Variants in RCHY1 observed in about 807,000 individuals in gnomAD.
RCHY1 encodes the protein RING finger and CHY zinc finger domain-containing protein 1.
In RCHY1, 21 loss-of-function variants were observed where a neutral mutation model predicts 41.6. The ratio of observed to expected loss-of-function variants is 0.51; its 90% CI spans 0.36 to 0.73. The LOEUF (loss-of-function observed/expected upper bound fraction) is 0.73. Ranked by LOEUF, RCHY1 falls within the 30% of genes least tolerant of loss-of-function variation. The probability of loss-of-function intolerance (pLI) is 0.00; values close to 1 mark genes in which losing one functional copy is unlikely to be tolerated. For synonymous variants in RCHY1, 79 were observed against 102.9 expected, an observed-to-expected ratio of 0.77 and a Z score of 1.41; for missense variants, 265 against 325.3, an observed-to-expected ratio of 0.81 and a Z score of 1.43.
At chr4:75,495,054 T>C (rs1254663365) in intron 3 of RCHY1, among the ~76,000 whole-genome samples, 1 of 152,024 alleles carries the variant, frequency 6.6e-6, no homozygotes, top group Non-Finnish European at 1.5e-5. Context: ...GTTATTTATA[T>C]AATGAATATC....
rs751403277 is a variant in RCHY1, at chr4:75,508,903, C to T, written c.243G>A (p.Leu81=). ...ATATATCGCAATAATATTCTCCAAA[C>T]AATGTGCTACATTCTTCACAAGTCT... ...AQQTCEECST[L]FGEYYCDICH... is the part of the protein sequence containing the mutation. Residue 81 remains leucine, a synonymous_variant, in exon 3 of 9, where the codon TTG becomes TTA. Transcript: ENST00000324439. The T allele has an allele frequency of 1.9e-6, 3 of 1,610,624 alleles. No individual in the cohort carries two copies. The highest frequency in any genetic ancestry group is 2.5e-6 in the Non-Finnish European group (3 of 1,178,514).
At chr4:75,492,740 G>C (rs1722864104) in intron 4 of RCHY1, among the ~76,000 whole-genome samples, 1 of 151,784 alleles carries the variant, frequency 6.6e-6, no homozygotes, top group Non-Finnish European at 1.5e-5. Flanking sequence ...GTAAGTTTTT[G>C]AAAGATGACA....
intron 3 of RCHY1, among the ~76,000 whole-genome samples, chr4:75,503,077 T>C (rs1241614238): frequency 1.3e-5 from 2 of 152,222 alleles, no homozygotes; most frequent in Non-Finnish European, 2.9e-5. Context: ...TATTTACATT[T>C]TGAACCAGAT....
At chr4:75,484,468 G>A (rs904219605) in intron 8 of RCHY1, among the ~76,000 whole-genome samples, 1 of 152,088 alleles carries the variant, frequency 6.6e-6, no homozygotes, top group Non-Finnish European at 1.5e-5. Context: ...AACAGCAGGG[G>A]GTGGGGGTGC....
At position 75,479,634 on chromosome 4, in the gene RCHY1, C is replaced by T. The variant is rs1412064012; in HGVS notation, c.*2904G>A. On this transcript the variant is annotated 3_prime_UTR_variant, in exon 9 of 9. Transcript: ENST00000324439. ...ACTAAGAAATGAACAACTTGATATACACTCATTTTTTTTTTATACATACAT... is the reference window on the plus strand; with the variant it reads ...ACTAAGAAATGAACAACTTGATATATACTCATTTTTTTTTTATACATACAT... 1.3e-5 allele frequency: 2 copies of T among 151,966 alleles called. No individual in the cohort carries two copies. The highest frequency in any genetic ancestry group is 4.8e-5 in the African/African-American group (2 of 41,366). 9.4% of individuals were successfully genotyped at this position (151,966 alleles called of 1,614,324 possible). A position where few individuals can be genotyped will look rare whatever the true frequency, so the allele number is the denominator to read the frequency against.
In RCHY1 at chr4:75,490,616, G is replaced by A. The variant is rs926359759; in HGVS notation, c.622C>T (p.Pro208Ser). 1 of 1,612,444 alleles carries A rather than the reference G, an allele frequency of 6.2e-7. No individual in the cohort carries two copies. Among genetic ancestry groups the A allele is most frequent in the African/African-American group, 1.3e-5 (1 of 74,932 alleles). ...RQLDDEVAQT[P>S]MPSEYQNMTV... ...ATGTTCTGATATTCTGATGGCATAG[G>A]AGTCTGTGCTACTTCATCATCCAGC... Residue 208 changes from proline (P) to serine (S), a missense_variant, in exon 8 of 9, where the codon CCT becomes TCT. By Grantham distance (74) the Pro-to-Ser change is moderately conservative. Transcript: ENST00000324439.
At chr4:75,499,802 A>C (rs2148749780) in intron 3 of RCHY1, among the ~76,000 whole-genome samples, 1 of 152,304 alleles carries the variant, frequency 6.6e-6, no homozygotes, top group South Asian at 2.1e-4. Flanking sequence ...GGATGAAGAA[A>C]AGTTGATTAA....
intron 3 of RCHY1, among the ~76,000 whole-genome samples, chr4:75,502,712 C>T (rs1342172864): frequency 6.6e-6 from 1 of 151,986 alleles, no homozygotes; most frequent in Non-Finnish European, 1.5e-5. Context: ...TTTCAGCATC[C>T]TAGGAATCCT....
intron 4 of RCHY1, among the ~76,000 whole-genome samples, chr4:75,492,405 G>C (rs1009750140): frequency 6.6e-6 from 1 of 151,862 alleles, no homozygotes; most frequent in Non-Finnish European, 1.5e-5. Flanking sequence ...CACAATCCTA[G>C]ATGAAATAGG....
intron 7 of RCHY1, 39 bp downstream of exon 7, chr4:75,491,572 A>G (rs1722753989): frequency 1.3e-6 from 2 of 1,579,598 alleles, no homozygotes; most frequent in Non-Finnish European, 1.7e-6. Context: ...CAAAAAAGTC[A>G]AACATCTTAC....
intron 8 of RCHY1, 125 bp from the exon 9 acceptor site, chr4:75,482,791 C>T: frequency 1.7e-6 from 1 of 597,562 alleles, no homozygotes; most frequent in Non-Finnish European, 2.4e-6. Flanking sequence ...TAAAAATTTC[C>T]AAAAGTAGAA....
intron 8 of RCHY1, among the ~76,000 whole-genome samples, chr4:75,482,993 C>A (rs896566327): frequency 4.6e-5 from 7 of 152,102 alleles, no homozygotes; most frequent in Non-Finnish European, 8.8e-5. Flanking sequence ...ACTTATAATT[C>A]AAAATAACAA....
chr4:75,500,550 A>C (rs567110762), intron 3 of RCHY1, among the ~76,000 whole-genome samples: 1 of 152,324 alleles, frequency 6.6e-6, no homozygotes, highest in South Asian at 2.1e-4. Flanking sequence ...TAAAACATAA[A>C]TCAGGAATAA....
intron 7 of RCHY1, 97 bp downstream of exon 7, chr4:75,491,514 A>G (rs1722746363): frequency 2.0e-5 from 22 of 1,075,862 alleles, no homozygotes; most frequent in Admixed American, 1.3e-4. Flanking sequence ...TGCCATGCCC[A>G]ATATAGTATA....
intron 1 of RCHY1, among the ~76,000 whole-genome samples, chr4:75,511,522 T>C (rs1458206752): frequency 6.6e-6 from 1 of 152,186 alleles, no homozygotes; most frequent in Non-Finnish European, 1.5e-5. Context: ...CACTTTACAA[T>C]CCAATTTGCA....
intron 8 of RCHY1, among the ~76,000 whole-genome samples, chr4:75,484,148 T>A (rs1721783711): frequency 6.6e-6 from 1 of 152,156 alleles, no homozygotes; most frequent in Non-Finnish European, 1.5e-5. Context: ...ACAGCTGGCA[T>A]CAGAAGTGGG....
In RCHY1 at chr4:75,511,252, C is replaced by A. The variant is rs1379342940; in HGVS notation, c.91-1956G>T. On this transcript the variant is annotated intron_variant, in intron 1 of 8. Transcript: ENST00000324439. Reference sequence around the variant, plus strand: ...TCAAAAAATCATATTCATTAAAAGTCTTTAGGTATTGAAGAAAATCTCACC... The same window carrying A: ...TCAAAAAATCATATTCATTAAAAGTATTTAGGTATTGAAGAAAATCTCACC... 5.3e-5 allele frequency among the ~76,000 whole-genome samples: 8 copies of A among 152,212 alleles called. No homozygotes were observed. In the East Asian group the frequency reaches 1.5e-3, roughly 29 times the overall value.
upstream of RCHY1, chr4:75,514,449 GGGC>G: frequency 1.3e-6 from 1 of 753,778 alleles, no homozygotes. Context: ...CCGGTTCCCG[GGGC>G]TACGAGGCGG....
At position 75,482,612 on chromosome 4, in the gene RCHY1, T is replaced by C. The variant is rs1721608489; in HGVS notation, c.712A>G (p.Met238Val). The C allele has an allele frequency of 6.2e-7, 1 of 1,612,098 alleles. No individual in the cohort carries two copies. The highest frequency in any genetic ancestry group is 8.5e-7 in the Non-Finnish European group (1 of 1,178,502). ...TAGGATTCACAAATCTTACATTTCA[T>C]GCCTAATATATGAAACTGAACAGTG... ...RSTVQFHILG[M>V]KCKICESYNT... Residue 238 changes from methionine to valine, a missense_variant, in exon 9 of 9, where the codon ATG becomes GTG. Transcript: ENST00000324439.
Sources: gnomAD v4.1 joint callset for allele counts (sites outside exome capture counted in the v4.1 genomes callset) on GRCh38, gnomAD v4.1.1 for gene constraint, MANE v1.5 for transcripts, NCBI Gene and HGNC (gene_info 2026-07-23, HGNC 2026-07-21) for gene names.